Variants in CACNA1E observed in about 807,000 individuals in gnomAD.
CACNA1E encodes voltage-dependent R-type calcium channel subunit alpha-1E.
In CACNA1E, 40 loss-of-function variants were observed where a neutral mutation model predicts 259.2. The observed-to-expected ratio is 0.15, with a 90% CI of 0.12 to 0.20. CACNA1E has a LOEUF of 0.20. CACNA1E is among the 10% of genes least tolerant of loss of function. The probability of loss-of-function intolerance (pLI) is 1.00; values close to 1 mark genes in which losing one functional copy is unlikely to be tolerated. For missense variants in CACNA1E, 1,874 were observed against 3,040.1 expected, an observed-to-expected ratio of 0.62 and a Z score of 9.02; for synonymous variants, 1,104 against 1,138.5, an observed-to-expected ratio of 0.97 and a Z score of 0.61.
At chr1:181,722,318 T>C (rs902909006) in intron 16 of CACNA1E, among the ~76,000 whole-genome samples, 17 of 152,228 alleles carry the variant, frequency 1.1e-4, no homozygotes, top group African/African-American at 3.9e-4. Flanking sequence ...ATAGCAAATA[T>C]GTATTGTATT....
chr1:181,699,701 C>G (rs192082107), intron 7 of CACNA1E, among the ~76,000 whole-genome samples: 1 of 152,090 alleles, frequency 6.6e-6, no homozygotes, highest in Non-Finnish European at 1.5e-5. Flanking sequence ...AGCATCCAGG[C>G]AGGAGACAGC....
chr1:181,785,381 G>A lies in CACNA1E; in HGVS notation c.5642G>A (p.Ser1881Asn), dbSNP rs994461072. 8 of 1,613,608 alleles carry A rather than the reference G, an allele frequency of 5.0e-6. No individual in the cohort carries two copies. Among genetic ancestry groups the A allele is most frequent in the Admixed American group, 3.3e-5 (2 of 60,008 alleles). The change falls in exon 42 of 48, where the codon AGT becomes AAT. Residue 1881 changes from serine (S) to asparagine (N), a missense_variant. This residue lies in a region of CACNA1E where 542 missense variants were observed against 587.2 expected (regional missense o/e 0.92). Coordinates refer to ENST00000367573, the MANE Select transcript of CACNA1E (RefSeq NM_001205293.3). ...AMMIMDYYKQ[S>N]KVKKQRQQLE... is the part of the protein sequence containing the mutation. The stretch of plus-strand genomic sequence containing the variant: ...ATGATCATGGACTACTATAAGCAGA[G>A]TAAGGTGAAGAAGCAGAGGCAGCAG...
intron 1 of CACNA1E, among the ~76,000 whole-genome samples, chr1:181,332,309 C>A (rs554614408): frequency 3.9e-5 from 6 of 152,292 alleles, no homozygotes; most frequent in African/African-American, 1.2e-4. Context: ...TGCAGCAAAC[C>A]ACCATGGCAC....
At chr1:181,761,143 G>C (rs1456179456) in intron 32 of CACNA1E, among the ~76,000 whole-genome samples, 1 of 152,156 alleles carries the variant, frequency 6.6e-6, no homozygotes, top group Non-Finnish European at 1.5e-5. Flanking sequence ...GCCTCTTTCA[G>C]CCTCATTTTC....
chr1:181,382,277 G>A (rs927480014), intron 1 of CACNA1E, among the ~76,000 whole-genome samples: 3 of 152,196 alleles, frequency 2.0e-5, no homozygotes, highest in African/African-American at 7.2e-5. Context: ...GAGTTGGTAA[G>A]GGAGAGGAAG....
intron 6 of CACNA1E, among the ~76,000 whole-genome samples, chr1:181,646,453 G>A (rs1211892253): frequency 6.6e-6 from 1 of 152,156 alleles, no homozygotes; most frequent in Non-Finnish European, 1.5e-5. Context: ...TCTGGAGCAG[G>A]TGTTCCCCAG....
At chr1:181,421,142 A>G (rs888093241) in intron 2 of CACNA1E, among the ~76,000 whole-genome samples, 1 of 152,182 alleles carries the variant, frequency 6.6e-6, no homozygotes, top group African/African-American at 2.4e-5. Context: ...TGTTTGTTCT[A>G]CTGAGCCATC....
chr1:181,327,602 A>G (rs549070533), intron 1 of CACNA1E, among the ~76,000 whole-genome samples: 1 of 152,152 alleles, frequency 6.6e-6, no homozygotes, highest in South Asian at 2.1e-4. Flanking sequence ...ACAGCTCCTC[A>G]ATATATTGTC....
At chr1:181,472,688 T>C (rs936446805) in intron 2 of CACNA1E, among the ~76,000 whole-genome samples, 1 of 152,194 alleles carries the variant, frequency 6.6e-6, no homozygotes, top group African/African-American at 2.4e-5. Flanking sequence ...CCCAGTGAGC[T>C]GGTGACTGTC....
At chr1:181,765,464 C>T (rs199920) in intron 34 of CACNA1E, among the ~76,000 whole-genome samples, 38,210 of 152,110 alleles carry the variant, frequency 0.25, 4,856 homozygotes, top group South Asian at 0.34. Context: ...ACCCCCATCA[C>T]AGAGCCTAGG....
rs373849180 is a variant in CACNA1E at position 181,732,171 on chromosome 1, A to G, written c.2298-213A>G. ...GCTACTACAAAGCAGGGATTGGAGCAGAAAGTACCTGGGCTGGGAGGCACC... is the reference window on the plus strand; with the variant it reads ...GCTACTACAAAGCAGGGATTGGAGCGGAAAGTACCTGGGCTGGGAGGCACC... On this transcript the variant is annotated intron_variant, in intron 19 of 47. Coordinates refer to ENST00000367573, the MANE Select transcript of CACNA1E (RefSeq NM_001205293.3). The surrounding 1 kb of genome is among the most constrained non-coding windows in gnomAD (Gnocchi z 5.5). Among the ~76,000 whole-genome samples, 115 of 152,226 alleles carry G rather than the reference A, an allele frequency of 7.6e-4. 2 individuals are homozygous for G. Among genetic ancestry groups the G allele is most frequent in the African/African-American group, 2.7e-3 (111 of 41,564 alleles).
intron 25 of CACNA1E, among the ~76,000 whole-genome samples, chr1:181,741,649 A>G (rs997741822): frequency 1.3e-5 from 2 of 152,168 alleles, no homozygotes; most frequent in African/African-American, 2.4e-5. Context: ...GAGCTCCTGC[A>G]TGCCTGCCCA....
At chr1:181,538,046 G>C (rs967713583) in intron 3 of CACNA1E, among the ~76,000 whole-genome samples, 4 of 152,214 alleles carry the variant, frequency 2.6e-5, no homozygotes, top group African/African-American at 4.8e-5. Flanking sequence ...TCTTGTAGAA[G>C]TTAGTTGGAC....
chr1:181,497,112 C>T (rs1664823491), intron 1 of CACNA1E, among the ~76,000 whole-genome samples: 1 of 152,190 alleles, frequency 6.6e-6, no homozygotes, highest in Non-Finnish European at 1.5e-5. Flanking sequence ...ACCATCTGCC[C>T]CACCACCTCC....
At chr1:181,573,776 G>A (rs1210178550) in intron 3 of CACNA1E, among the ~76,000 whole-genome samples, 1 of 152,172 alleles carries the variant, frequency 6.6e-6, no homozygotes, top group Non-Finnish European at 1.5e-5. Flanking sequence ...CCATTACTGG[G>A]CATATACCCA....
intron 1 of CACNA1E, among the ~76,000 whole-genome samples, chr1:181,495,336 T>C (rs1664656268): frequency 6.6e-6 from 1 of 152,236 alleles, no homozygotes; most frequent in African/African-American, 2.4e-5. Context: ...TGTCACTTTA[T>C]AGCTGTGTGC....
chr1:181,560,496 T>C (rs534226824), intron 3 of CACNA1E, among the ~76,000 whole-genome samples: 12 of 152,186 alleles, frequency 7.9e-5, no homozygotes, highest in Non-Finnish European at 1.5e-4. Flanking sequence ...TATGATGCCT[T>C]TTCCATTGTA....
In CACNA1E at chr1:181,763,435, C is replaced by G; in HGVS notation, c.4719C>G (p.Ser1573Arg). Reference sequence around the variant, plus strand: ...TGAACACCAGTGGCTTCAATATGAGCTTTCTGAAGCTCTTCCGAGCTGCCC... The same window carrying G: ...TGAACACCAGTGGCTTCAATATGAGGTTTCTGAAGCTCTTCCGAGCTGCCC... Reference protein sequence around the residue: ...KLVNTSGFNMSFLKLFRAARL... With the variant: ...KLVNTSGFNMRFLKLFRAARL... Residue 1573 changes from serine (S) to arginine (R), a missense_variant, in exon 34 of 48, where the codon AGC (serine) becomes AGG (arginine). Physicochemically the swap from Ser to Arg is moderately radical, Grantham distance 110 (BLOSUM62 -1). Around this residue, in one of 14 missense-constraint regions of CACNA1E, gnomAD observed 188 missense variants for 540.6 expected, o/e 0.35. Transcript: ENST00000367573. The G allele has an allele frequency of 6.2e-7, 1 of 1,601,360 alleles. No individual in the cohort carries two copies.
At chr1:181,369,892 T>G (rs1458332190) in intron 1 of CACNA1E, among the ~76,000 whole-genome samples, 1 of 152,190 alleles carries the variant, frequency 6.6e-6, no homozygotes, top group African/African-American at 2.4e-5. Context: ...ACAGATTATT[T>G]TGTCATCCAA....
Sources: allele counts gnomAD v4.1 joint callset (sites outside exome capture counted in the v4.1 genomes callset), GRCh38; gene constraint gnomAD v4.1.1; regional missense constraint gnomAD v4.1.1; non-coding constraint Gnocchi (gnomAD v3.1); transcripts MANE v1.5; gene names NCBI Gene and HGNC (gene_info 2026-07-23, HGNC 2026-07-21).